The following BAZ2B variants were observed in gnomAD, a reference collection of about 807,000 sequenced individuals.
BAZ2B encodes bromodomain adjacent to zinc finger domain protein 2B.
Under a neutral mutation model 246.0 loss-of-function variants are expected in BAZ2B, and 91 were observed. That is an observed-to-expected ratio of 0.37 (90% CI 0.31 to 0.44). BAZ2B has a LOEUF of 0.44. Among genes scored for constraint, BAZ2B ranks in the 20% least tolerant of loss-of-function variants. The pLI is 1.00. For missense variants in BAZ2B, 2,332 were observed against 2,533.7 expected, an observed-to-expected ratio of 0.92 and a Z score of 1.71; for synonymous variants, 855 against 860.0, an observed-to-expected ratio of 0.99 and a Z score of 0.10.
At chr2:159,538,914 A>G (rs905842407) in intron 2 of BAZ2B, among the ~76,000 whole-genome samples, 3 of 152,342 alleles carry the variant, frequency 2.0e-5, no homozygotes, top group Admixed American at 2.0e-4. Flanking sequence ...CTTCCAAGAG[A>G]ATTCAACTTT....
chr2:159,645,688 G>C, the BAZ2B span, among the ~76,000 whole-genome samples: 16 of 152,068 alleles, frequency 1.1e-4, no homozygotes, highest in African/African-American at 3.6e-4. Flanking sequence ...TTTTCTCTAA[G>C]CATCAGCCAG....
intron 3 of BAZ2B, among the ~76,000 whole-genome samples, chr2:159,465,597 C>A (rs1404767745): frequency 1.3e-5 from 2 of 152,036 alleles, no homozygotes; most frequent in Non-Finnish European, 2.9e-5. Flanking sequence ...ATTAAATAAA[C>A]CCCACTGCAA....
intron 25 of BAZ2B, among the ~76,000 whole-genome samples, chr2:159,380,737 C>A (rs1238524310): frequency 6.6e-6 from 1 of 152,078 alleles, no homozygotes; most frequent in Non-Finnish European, 1.5e-5. Flanking sequence ...CAGGTACCAG[C>A]CCCCAGTAAA....
At position 159,320,210 on chromosome 2, in the gene BAZ2B, G is replaced by A; in HGVS notation, c.*55C>T. On this transcript the variant is annotated 3_prime_UTR_variant, in exon 37 of 37. Transcript: ENST00000392783. ...CGTTTATGTAAATACAGTTCACATTGCTGGTCTCATTTGTCCTTGTTTAGA... is the reference window on the plus strand; with the variant it reads ...CGTTTATGTAAATACAGTTCACATTACTGGTCTCATTTGTCCTTGTTTAGA... 1 of 1,407,372 alleles carries A rather than the reference G, an allele frequency of 7.1e-7. No homozygotes were observed. The highest frequency in any genetic ancestry group is 1.6e-5 in the South Asian group (1 of 61,530). 87.2% of individuals were successfully genotyped at this position (1,407,372 alleles called of 1,614,324 possible). A position where few individuals can be genotyped will look rare whatever the true frequency, so the allele number is the denominator to read the frequency against.
At chr2:159,468,109 C>T (rs1450062412) in intron 3 of BAZ2B, among the ~76,000 whole-genome samples, 1 of 152,146 alleles carries the variant, frequency 6.6e-6, no homozygotes, top group Non-Finnish European at 1.5e-5. Context: ...AGGGTCAGCA[C>T]AAACTAGCTG....
intron 2 of BAZ2B, among the ~76,000 whole-genome samples, chr2:159,496,453 C>T (rs2081153740): frequency 6.9e-6 from 1 of 145,692 alleles, no homozygotes; most frequent in South Asian, 2.2e-4. Context: ...CACCACTGCA[C>T]TCCAGCCTGA....
At chr2:159,494,007 T>C (rs1461630542) in intron 2 of BAZ2B, among the ~76,000 whole-genome samples, 1 of 152,190 alleles carries the variant, frequency 6.6e-6, no homozygotes, top group African/African-American at 2.4e-5. Flanking sequence ...AACTAAAGCC[T>C]AGGTATTCCA....
At chr2:159,546,468 G>A (rs1307218278) in intron 2 of BAZ2B, among the ~76,000 whole-genome samples, 1 of 147,868 alleles carries the variant, frequency 6.8e-6, no homozygotes, top group African/African-American at 2.5e-5. Context: ...AATCAGCAGC[G>A]TGAAAATGGA....
chr2:159,681,005 T>C, the BAZ2B span, among the ~76,000 whole-genome samples: 1 of 151,990 alleles, frequency 6.6e-6, no homozygotes, highest in Non-Finnish European at 1.5e-5. Flanking sequence ...AACCTCAAAA[T>C]TGCTAGGGAG....
At position 159,439,082 on chromosome 2, in the gene BAZ2B, T is replaced by A. The variant is rs551252322; in HGVS notation, c.827A>T (p.Asp276Val). ...DDLEEDEEEE[D>V]QSIEESEDDD... The stretch of plus-strand genomic sequence containing the variant: ...ATCTTCACTTTCTTCAATACTTTGA[T>A]CTTCTTCTTCTTCATCTTCTTCTAG... Residue 276 changes from aspartate (D) to valine (V), a missense_variant, in exon 7 of 37, where the codon GAT (aspartate) becomes GTT (valine). Coordinates refer to ENST00000392783, the MANE Select transcript of BAZ2B (RefSeq NM_013450.4). 3.1e-5 allele frequency: 50 copies of A among 1,613,648 alleles called. No homozygotes were observed. The South Asian group carries it at 4.5e-4, about 15-fold the overall frequency.
At chr2:159,653,497 T>C in the BAZ2B span, among the ~76,000 whole-genome samples, 3 of 152,204 alleles carry the variant, frequency 2.0e-5, no homozygotes, top group African/African-American at 7.2e-5. Flanking sequence ...AATCGTATAG[T>C]ATAGGTTTTG....
chr2:159,706,298 A>G, the BAZ2B span, among the ~76,000 whole-genome samples: 1 of 152,368 alleles, frequency 6.6e-6, no homozygotes, highest in South Asian at 2.1e-4. Context: ...AATAGTAGGT[A>G]TGATACAATC....
At chr2:159,710,207 A>G in the BAZ2B span, among the ~76,000 whole-genome samples, 1 of 139,310 alleles carries the variant, frequency 7.2e-6, no homozygotes, top group African/African-American at 2.6e-5. Context: ...TTCCTAGCAA[A>G]ATGTCTTTTT....
intron 1 of BAZ2B, among the ~76,000 whole-genome samples, chr2:159,610,839 C>T (rs1428330941): frequency 6.6e-6 from 1 of 152,022 alleles, no homozygotes; most frequent in Non-Finnish European, 1.5e-5. Flanking sequence ...ATTTTCACCT[C>T]ATATTCTTAT....
the BAZ2B span, among the ~76,000 whole-genome samples, chr2:159,626,793 C>T: frequency 2.6e-5 from 4 of 151,996 alleles, no homozygotes; most frequent in African/African-American, 9.7e-5. Flanking sequence ...CAAAAGCTAG[C>T]AGAAGACAAG....
Position 159,432,782 on chromosome 2 carries a change from ATCT to A in BAZ2B, c.1872_1874del (p.Glu624del), listed in dbSNP as rs1559394637. On this transcript the variant is annotated inframe_deletion, in exon 9 of 37. Coordinates refer to ENST00000392783, the MANE Select transcript of BAZ2B (RefSeq NM_013450.4). ...CTGATTGGCTGTCATCAGATTCATC[ATCT>A]TCATCATCTTCCTCATCTTCTTCTT... is the stretch of plus-strand genomic sequence containing the variant. 6 of 1,612,780 alleles carry A rather than the reference ATCT, an allele frequency of 3.7e-6. No individual in the cohort carries two copies. The highest frequency in any genetic ancestry group is 2.2e-5 in the South Asian group (2 of 91,040).
At chr2:159,547,077 A>C (rs1172857974) in intron 2 of BAZ2B, among the ~76,000 whole-genome samples, 1 of 152,160 alleles carries the variant, frequency 6.6e-6, no homozygotes, top group Admixed American at 6.5e-5. Context: ...GAGTGAGGAG[A>C]CAAAAATCGT....
At chr2:159,362,519 C>T (rs552420750) in intron 27 of BAZ2B, among the ~76,000 whole-genome samples, 1 of 152,268 alleles carries the variant, frequency 6.6e-6, no homozygotes, top group East Asian at 1.9e-4. Flanking sequence ...TGTACGGTTA[C>T]TTCTTTGCTT....
chr2:159,632,235 T>C, the BAZ2B span, among the ~76,000 whole-genome samples: 1 of 152,140 alleles, frequency 6.6e-6, no homozygotes, highest in Non-Finnish European at 1.5e-5. Context: ...ATAGAATAAA[T>C]TGATTGAGTT....
Sources: allele counts gnomAD v4.1 joint callset (sites outside exome capture counted in the v4.1 genomes callset), GRCh38; gene constraint gnomAD v4.1.1; transcripts MANE v1.5; gene names NCBI Gene and HGNC (gene_info 2026-07-23, HGNC 2026-07-21).